The following KIF6 variants were observed in gnomAD, a reference collection of about 807,000 sequenced individuals.
KIF6 encodes kinesin-like protein KIF6.
In KIF6, 106 loss-of-function variants were observed where a neutral mutation model predicts 112.7. The ratio of observed to expected loss-of-function variants is 0.94; its 90% confidence interval spans 0.80 to 1.11. The LOEUF (loss-of-function observed/expected upper bound fraction) is 1.11, where lower values mean the gene tolerates loss of function less well. Among genes scored for constraint, KIF6 ranks in the 50% least tolerant of loss-of-function variants. The pLI, the probability that KIF6 is intolerant of heterozygous loss-of-function variation, is 0.00. For synonymous variants in KIF6, 339 were observed against 339.9 expected, an observed-to-expected ratio of 1.00 and a Z score of 0.03; for missense variants, 929 against 964.0, an observed-to-expected ratio of 0.96 and a Z score of 0.48.
intron 13 of KIF6, among the ~76,000 whole-genome samples, chr6:39,455,771 C>T (rs1225445621): frequency 2.0e-5 from 3 of 151,726 alleles, no homozygotes; most frequent in African/African-American, 4.8e-5. Context: ...AGGGTATCAA[C>T]AATGGAAGAT....
intron 3 of KIF6, among the ~76,000 whole-genome samples, chr6:39,678,929 T>C (rs1443792860): frequency 6.6e-6 from 1 of 152,106 alleles, no homozygotes; most frequent in African/African-American, 2.4e-5. Context: ...AGTACCCTCT[T>C]CCAGAGAGCA....
intron 10 of KIF6, among the ~76,000 whole-genome samples, chr6:39,557,163 T>A (rs140687373): frequency 0.022 from 3,304 of 152,242 alleles, 60 homozygotes; most frequent in Non-Finnish European, 0.032. Flanking sequence ...GATTTTGTTA[T>A]GTAAAAATGC....
chr6:39,427,324 A>G (rs1234397135), intron 14 of KIF6, among the ~76,000 whole-genome samples: 4 of 152,198 alleles, frequency 2.6e-5, no homozygotes, highest in Non-Finnish European at 4.4e-5. Flanking sequence ...AAGTGACCCT[A>G]TGAGCATCTG....
intron 13 of KIF6, among the ~76,000 whole-genome samples, chr6:39,444,473 T>C (rs1280072601): frequency 6.6e-6 from 1 of 152,158 alleles, no homozygotes; most frequent in Non-Finnish European, 1.5e-5. Flanking sequence ...TGAGAAAAGA[T>C]CTTAAGGTGA....
At chr6:39,518,493 T>A (rs1046864318) in intron 13 of KIF6, among the ~76,000 whole-genome samples, 2 of 152,074 alleles carry the variant, frequency 1.3e-5, no homozygotes, top group African/African-American at 2.4e-5. Context: ...TTACTGAGAG[T>A]TTTACTTTAA....
At chr6:39,694,700 C>T (rs1788423144) in intron 3 of KIF6, among the ~76,000 whole-genome samples, 1 of 152,156 alleles carries the variant, frequency 6.6e-6, no homozygotes, top group Non-Finnish European at 1.5e-5. Context: ...ATTCTATGTT[C>T]ATGGATTGTA....
At chr6:39,360,124 G>A (rs1201005433) in intron 18 of KIF6, among the ~76,000 whole-genome samples, 8 of 152,160 alleles carry the variant, frequency 5.3e-5, no homozygotes. Context: ...ATCACACAAA[G>A]CATTGGTGGC....
intron 13 of KIF6, among the ~76,000 whole-genome samples, chr6:39,534,053 C>A (rs1016210975): frequency 1.3e-5 from 2 of 152,188 alleles, no homozygotes; most frequent in African/African-American, 2.4e-5. Context: ...ACACCAAAAA[C>A]CCATCTGTAC....
chr6:39,566,043 C>T (rs1038569692), intron 10 of KIF6, among the ~76,000 whole-genome samples: 1 of 152,152 alleles, frequency 6.6e-6, no homozygotes, highest in Non-Finnish European at 1.5e-5. Flanking sequence ...TTCCACATCT[C>T]GATGTTGGAC....
intron 3 of KIF6, among the ~76,000 whole-genome samples, chr6:39,645,587 T>C (rs1785121772): frequency 6.6e-6 from 1 of 152,174 alleles, no homozygotes; most frequent in African/African-American, 2.4e-5. Flanking sequence ...TTTGCATCGA[T>C]GTTCATCAGG....
intron 16 of KIF6, among the ~76,000 whole-genome samples, chr6:39,370,948 A>T (rs1765931951): frequency 6.6e-6 from 1 of 151,914 alleles, no homozygotes; most frequent in East Asian, 1.9e-4. Flanking sequence ...GTTTCTGTTG[A>T]CCCAACATGG....
chr6:39,398,418 G>A (rs1158945763), intron 15 of KIF6, among the ~76,000 whole-genome samples: 2 of 152,202 alleles, frequency 1.3e-5, no homozygotes, highest in East Asian at 1.9e-4. Flanking sequence ...ACAGGTGCCA[G>A]GAGGAGACCA....
chr6:39,579,093 G>A (rs754620597), intron 9 of KIF6, among the ~76,000 whole-genome samples: 2 of 152,144 alleles, frequency 1.3e-5, no homozygotes, highest in African/African-American at 2.4e-5. Context: ...TCTGTAGTGT[G>A]CACTTTAGAA....
intron 13 of KIF6, among the ~76,000 whole-genome samples, chr6:39,493,281 C>A (rs1229679676): frequency 6.6e-6 from 1 of 152,164 alleles, no homozygotes; most frequent in Non-Finnish European, 1.5e-5. Context: ...CTTCATTTTA[C>A]AGATGAGGAC....
At chr6:39,698,630 CT>C (rs1344462767) in intron 3 of KIF6, among the ~76,000 whole-genome samples, 2 of 152,178 alleles carry the variant, frequency 1.3e-5, no homozygotes, top group African/African-American at 4.8e-5. Flanking sequence ...TGAAAATATA[CT>C]GTACTTCTAT....
chr6:39,365,359 C>T (rs559589483), intron 16 of KIF6, among the ~76,000 whole-genome samples: 2 of 152,200 alleles, frequency 1.3e-5, no homozygotes, highest in Admixed American at 6.5e-5. Context: ...TTTATTGGCT[C>T]AGATGAGGCA....
At chr6:39,647,016 CTG>C (rs1785202832) in intron 3 of KIF6, among the ~76,000 whole-genome samples, 1 of 152,200 alleles carries the variant, frequency 6.6e-6, no homozygotes, top group Non-Finnish European at 1.5e-5. Context: ...TGACTCCTAA[CTG>C]TTTCACTTTC....
intron 13 of KIF6, among the ~76,000 whole-genome samples, chr6:39,447,811 T>C (rs1436969954): frequency 1.3e-5 from 2 of 152,220 alleles, no homozygotes; most frequent in African/African-American, 4.8e-5. Context: ...TGTAGTCCAA[T>C]GGACTTCCAT....
At chr6:39,510,766 T>C (rs933619562) in intron 13 of KIF6, among the ~76,000 whole-genome samples, 2 of 145,906 alleles carry the variant, frequency 1.4e-5, no homozygotes, top group African/African-American at 2.6e-5. Flanking sequence ...GGATAAAGAG[T>C]CAAGACCCAT....
Sources: gnomAD v4.1 joint callset for allele counts (sites outside exome capture counted in the v4.1 genomes callset) on GRCh38, gnomAD v4.1.1 for gene constraint, MANE v1.5 for transcripts, NCBI Gene and HGNC (gene_info 2026-07-23, HGNC 2026-07-21) for gene names.